The following TET3 variants were observed in gnomAD, a reference collection of about 807,000 sequenced individuals.
The protein encoded by TET3 is tet methylcytosine dioxygenase 3, also known as methylcytosine dioxygenase TET3.
In TET3, 19 loss-of-function variants were observed where a neutral mutation model predicts 141.4. The ratio of observed to expected loss-of-function variants is 0.13; its 90% CI spans 0.09 to 0.20. The LOEUF is 0.20. TET3 is among the 10% of genes least tolerant of loss of function. TET3 has a pLI of 1.00. For missense variants in TET3, 1,874 were observed against 2,356.9 expected, an observed-to-expected ratio of 0.80 and a Z score of 4.24; for synonymous variants, 1,043 against 980.9, an observed-to-expected ratio of 1.06 and a Z score of -1.18.
intron 3 of TET3, among the ~76,000 whole-genome samples, chr2:74,044,923 G>A (rs1475580255): frequency 6.6e-6 from 1 of 152,146 alleles, no homozygotes; most frequent in Non-Finnish European, 1.5e-5. Flanking sequence ...TTCATGACTT[G>A]TCCCAAGTAA....
chr2:73,984,801 C>T (rs1170867924), upstream of TET3, among the ~76,000 whole-genome samples: 1 of 148,718 alleles, frequency 6.7e-6, no homozygotes, highest in Non-Finnish European at 1.5e-5. The surrounding 1 kb of genome is among the most constrained non-coding windows in gnomAD (Gnocchi z 5.6). Flanking sequence ...CCCTCTCGCC[C>T]GGCCCGGGGC....
At chr2:74,052,593 CG>C (rs1688005364) in intron 4 of TET3, among the ~76,000 whole-genome samples, 1 of 151,234 alleles carries the variant, frequency 6.6e-6, no homozygotes, top group Non-Finnish European at 1.5e-5. Context: ...GGGAGGGGCC[CG>C]GGCGCTGTGG....
rs141245036 is a variant in TET3 at position 74,039,872 on chromosome 2, G to A, written c.361-6406G>A. On this transcript the variant is annotated intron_variant, in intron 3 of 11. Coordinates refer to ENST00000409262, the MANE Select transcript of TET3 (RefSeq NM_001287491.2). ...TGGGCTCCAAGAGTGAGAATCCCAA[G>A]AGAACCAGGCAGAAGCTGAATTGCC... Among the ~76,000 whole-genome samples the A allele has an allele frequency of 9.4e-3, 1,426 of 152,290 alleles. 23 individuals are homozygous for A. Among genetic ancestry groups the A allele is most frequent in the African/African-American group, 0.032 (1,335 of 41,540 alleles).
At chr2:74,088,259 G>A (rs572097618) in intron 7 of TET3, among the ~76,000 whole-genome samples, 30 of 152,158 alleles carry the variant, frequency 2.0e-4, no homozygotes, top group Non-Finnish European at 3.5e-4. Flanking sequence ...TGACTTCACC[G>A]TTAAACCCCA....
Position 74,073,628 on chromosome 2 carries a change from C to T in TET3, c.2574C>T (p.Leu858=). The part of the protein sequence containing the change: ...SGPTVASIRE[L]MEERYGEKGK... ...CCACGGTCGCCTCTATCCGGGAACT[C>T]ATGGAGGAGCGGTGAGTGATACACA... The change falls in exon 5 of 12, where the codon CTC becomes CTT. Residue 858 remains leucine, a synonymous_variant. Coordinates refer to ENST00000409262, the MANE Select transcript of TET3 (RefSeq NM_001287491.2). 1 of 1,610,794 alleles carries T rather than the reference C, an allele frequency of 6.2e-7. No homozygotes were observed. The highest frequency in any genetic ancestry group is 8.5e-7 in the Non-Finnish European group (1 of 1,178,512).
chr2:74,098,571 TA>T (rs1690981693), intron 10 of TET3, among the ~76,000 whole-genome samples: 1 of 151,554 alleles, frequency 6.6e-6, no homozygotes, highest in Non-Finnish European at 1.5e-5. Flanking sequence ...AATCAGCACA[TA>T]GAGTTTATAA....
At chr2:73,992,108 G>A (rs1159664045) in intron 2 of TET3, among the ~76,000 whole-genome samples, 1 of 152,100 alleles carries the variant, frequency 6.6e-6, no homozygotes, top group Non-Finnish European at 1.5e-5. Context: ...TATGGTTCTA[G>A]CAAGAGTGAG....
intron 3 of TET3, among the ~76,000 whole-genome samples, chr2:74,017,469 C>T (rs965937940): frequency 6.6e-6 from 1 of 152,240 alleles, no homozygotes; most frequent in African/African-American, 2.4e-5. Flanking sequence ...TTAGCTTCCA[C>T]ATTTGAGTGA....
chr2:74,033,080 C>T (rs973536224), intron 3 of TET3, among the ~76,000 whole-genome samples: 2 of 152,164 alleles, frequency 1.3e-5, no homozygotes, highest in African/African-American at 4.8e-5. Flanking sequence ...CAAAAAATAC[C>T]CAGAAATTTT....
intron 4 of TET3, among the ~76,000 whole-genome samples, chr2:74,048,644 A>G (rs566095493): frequency 2.6e-5 from 4 of 152,308 alleles, no homozygotes; most frequent in Non-Finnish European, 5.9e-5. Flanking sequence ...GCTTTAATAC[A>G]CAAATGGAGT....
chr2:74,034,113 A>G (rs758730535), intron 3 of TET3, among the ~76,000 whole-genome samples: 8 of 152,006 alleles, frequency 5.3e-5, no homozygotes, highest in Non-Finnish European at 1.2e-4. Context: ...AAAAAAAGAA[A>G]AAGAGACTTG....
At chr2:74,024,234 G>A (rs965627760) in intron 3 of TET3, among the ~76,000 whole-genome samples, 3 of 152,154 alleles carry the variant, frequency 2.0e-5, no homozygotes, top group Non-Finnish European at 2.9e-5. Flanking sequence ...GGCCCTACTC[G>A]TTTGCAGACC....
At position 74,099,619 on chromosome 2, in the gene TET3, G is replaced by C. The variant is rs776625317; in HGVS notation, c.3604+7G>C. On this transcript the variant is annotated splice_region_variant and intron_variant, in intron 11 of 11. Coordinates refer to ENST00000409262, the MANE Select transcript of TET3 (RefSeq NM_001287491.2). ...GGCATTACGTCGGACCCAGGTGTGT[G>C]GGGGGAGGGTGCCCGCTTGGAGTCA... is the stretch of plus-strand genomic sequence containing the variant. 1.2e-5 allele frequency: 18 copies of C among 1,550,794 alleles called. No homozygotes were observed. Among genetic ancestry groups the C allele is most frequent in the Non-Finnish European group, 1.5e-5 (17 of 1,144,918 alleles).
chr2:74,061,109 C>A (rs1688499014), intron 4 of TET3, among the ~76,000 whole-genome samples: 1 of 151,162 alleles, frequency 6.6e-6, no homozygotes, highest in African/African-American at 2.4e-5. Flanking sequence ...AGGCGCCCCT[C>A]ACCTACCGGA....
chr2:74,038,345 G>T (rs1573757304), intron 3 of TET3, among the ~76,000 whole-genome samples: 2 of 152,282 alleles, frequency 1.3e-5, no homozygotes, highest in Non-Finnish European at 2.9e-5. Context: ...AATTCCTGCT[G>T]CCCCTAGGTG....
intron 4 of TET3, among the ~76,000 whole-genome samples, chr2:74,049,511 C>T (rs1687826092): frequency 6.6e-6 from 1 of 152,146 alleles, no homozygotes; most frequent in South Asian, 2.1e-4. Context: ...TCGGCCCCCA[C>T]ACTCTGTTTA....
chr2:74,022,815 C>T (rs532512951), intron 3 of TET3, among the ~76,000 whole-genome samples: 2 of 152,078 alleles, frequency 1.3e-5, no homozygotes, highest in African/African-American at 2.4e-5. Context: ...CTTGCTCTGT[C>T]GCCTAGGCTG....
At chr2:74,127,194 C>A in the TET3 span, among the ~76,000 whole-genome samples, 1 of 152,184 alleles carries the variant, frequency 6.6e-6, no homozygotes, top group Non-Finnish European at 1.5e-5. Context: ...CGGACTCATG[C>A]TTGTTGATCC....
chr2:74,113,743 C>G, the TET3 span, among the ~76,000 whole-genome samples: 1 of 151,782 alleles, frequency 6.6e-6, no homozygotes, highest in South Asian at 2.1e-4. Context: ...TAAATTTAAC[C>G]AAGGAGGTGA....
Sources: allele counts gnomAD v4.1 joint callset (sites outside exome capture counted in the v4.1 genomes callset), GRCh38; gene constraint gnomAD v4.1.1; non-coding constraint Gnocchi (gnomAD v3.1); transcripts MANE v1.5; gene names NCBI Gene and HGNC (gene_info 2026-07-23, HGNC 2026-07-21).